The following CAMTA1 variants were observed in gnomAD, a reference collection of about 807,000 sequenced individuals.
The protein encoded by CAMTA1 is calmodulin-binding transcription activator 1.
A neutral mutation model predicts 170.9 loss-of-function variants in CAMTA1; 27 were observed. That is an observed-to-expected ratio of 0.16 (90% CI 0.12 to 0.22). The LOEUF (loss-of-function observed/expected upper bound fraction) is 0.22. Among genes scored for constraint, CAMTA1 ranks in the 10% least tolerant of loss-of-function variants. The probability of loss-of-function intolerance (pLI) is 1.00; values close to 1 mark genes in which losing one functional copy is unlikely to be tolerated. For missense variants in CAMTA1, 1,619 were observed against 2,217.2 expected (o/e 0.73, Z 5.42); for synonymous variants, 833 against 891.5 (o/e 0.93, Z 1.17).
At chr1:6,798,246 C>T (rs1305712089) in intron 1 of CAMTA1, among the ~76,000 whole-genome samples, 1 of 151,934 alleles carries the variant, frequency 6.6e-6, no homozygotes, top group Admixed American at 6.6e-5. Flanking sequence ...CCTCGGCCTC[C>T]CAAAGTGCTG....
rs183359707 is a variant in CAMTA1 at position 7,071,309 on chromosome 1, T to C, written c.235-19995T>C. Among the ~76,000 whole-genome samples, 139 of 152,338 alleles carry C rather than the reference T, an allele frequency of 9.1e-4. 2 individuals carry two copies. Among genetic ancestry groups the C allele is most frequent in the Non-Finnish European group, 3.4e-4 (23 of 68,032 alleles). On this transcript the variant is annotated intron_variant, in intron 3 of 22. Transcript: ENST00000303635. ...GCAAACAATAGACTCACTTGAAAGA[T>C]ACAGTGAATAGAATTTAATTGAATT...
At chr1:7,651,316 T>A (rs1478602530) in intron 7 of CAMTA1, among the ~76,000 whole-genome samples, 1 of 152,198 alleles carries the variant, frequency 6.6e-6, no homozygotes, top group Non-Finnish European at 1.5e-5. Flanking sequence ...CCTTGCCACC[T>A]GCTCATCACA....
At chr1:7,122,388 G>A (rs1008687921) in intron 4 of CAMTA1, among the ~76,000 whole-genome samples, 3 of 152,094 alleles carry the variant, frequency 2.0e-5, no homozygotes, top group African/African-American at 7.2e-5. Context: ...AGCTCACGGA[G>A]TGAAATGTAA....
At position 7,246,762 on chromosome 1, in the gene CAMTA1, G is replaced by A. The variant is rs563786785; in HGVS notation, c.303-2729G>A. On this transcript the variant is annotated intron_variant, in intron 4 of 22. Transcript: ENST00000303635. ...GCTCACTGCAACCTCTGCCTCCCAG[G>A]TTCAAAAGATTCTCCTGCCTCAGCC... Among the ~76,000 whole-genome samples the A allele has an allele frequency of 1.7e-4, 24 of 138,140 alleles. No individual in the cohort carries two copies. The South Asian group carries it at 5.8e-3, about 34-fold the overall frequency. 90.6% of individuals were successfully genotyped at this position (138,140 alleles called of 152,430 possible).
chr1:7,023,766 G>A lies in CAMTA1; in HGVS notation c.235-67538G>A, dbSNP rs529636066. ...GTTAAGGCCAGGTGTGGTGGCTCAC[G>A]CCTGTAATCCTAGCACTTTGGGAGG... On this transcript the variant is annotated intron_variant, in intron 3 of 22. Transcript: ENST00000303635. Among the ~76,000 whole-genome samples, 8 of 152,252 alleles carry A rather than the reference G, an allele frequency of 5.3e-5. 1 individual carries two copies. The South Asian group carries it at 1.5e-3, about 28-fold the overall frequency.
intron 3 of CAMTA1, among the ~76,000 whole-genome samples, chr1:6,899,007 G>A (rs150996844): frequency 6.6e-6 from 1 of 152,302 alleles, no homozygotes; most frequent in East Asian, 1.9e-4. Flanking sequence ...CTGTGGATCT[G>A]TAGGAAAACC....
At chr1:7,522,214 AT>A (rs2094374976) in intron 6 of CAMTA1, among the ~76,000 whole-genome samples, 1 of 152,188 alleles carries the variant, frequency 6.6e-6, no homozygotes, top group African/African-American at 2.4e-5. Flanking sequence ...GTAATGTCTC[AT>A]TATGGCTTTG....
chr1:7,688,176 T>G (rs562110533), intron 11 of CAMTA1, among the ~76,000 whole-genome samples: 7 of 120,176 alleles, frequency 5.8e-5, no homozygotes, highest in African/African-American at 2.2e-4. Flanking sequence ...ACCCAGCTAA[T>G]TTTTGTATTT....
chr1:7,743,831 TC>T lies in CAMTA1; in HGVS notation c.4183-1003del, dbSNP rs141155237. Among the ~76,000 whole-genome samples, 375 of 149,350 alleles carry T rather than the reference TC, an allele frequency of 2.5e-3. 5 individuals carry two copies. Among genetic ancestry groups the T allele is most frequent in the Non-Finnish European group, 3.7e-3 (246 of 67,066 alleles). ...TGAGGATTCTTTTTTTCTTTTCTTT[TC>T]TTTTTTTTTTCTGAGACGGAGTCTT... On this transcript the variant is annotated intron_variant, in intron 16 of 22. Transcript: ENST00000303635.
intron 3 of CAMTA1, among the ~76,000 whole-genome samples, chr1:6,978,683 TATAG>T (rs1693909232): frequency 6.7e-6 from 1 of 149,620 alleles, no homozygotes; most frequent in African/African-American, 2.4e-5. Flanking sequence ...TTTTATATAT[TATAG>T]ATATATATAT....
At chr1:7,406,611 C>T (rs1431815606) in intron 5 of CAMTA1, among the ~76,000 whole-genome samples, 9 of 151,730 alleles carry the variant, frequency 5.9e-5, no homozygotes, top group Non-Finnish European at 1.5e-5. Context: ...CGGATGTACA[C>T]ACACACACAT....
intron 3 of CAMTA1, among the ~76,000 whole-genome samples, chr1:6,998,425 C>T (rs1268448567): frequency 6.6e-6 from 1 of 152,250 alleles, no homozygotes. Flanking sequence ...TCTGCGTGCT[C>T]TCCGCACATG....
intron 4 of CAMTA1, among the ~76,000 whole-genome samples, chr1:7,157,820 T>G (rs997236379): frequency 1.1e-4 from 16 of 151,954 alleles, no homozygotes; most frequent in African/African-American, 3.9e-4. Context: ...AGTGGACAAG[T>G]GGAGGTATTT....
chr1:7,365,692 C>T (rs2085914273), intron 5 of CAMTA1, among the ~76,000 whole-genome samples: 1 of 152,150 alleles, frequency 6.6e-6, no homozygotes, highest in African/African-American at 2.4e-5. Flanking sequence ...CAGTTCTGGC[C>T]AAAACAGGCA....
intron 4 of CAMTA1, among the ~76,000 whole-genome samples, chr1:7,203,274 T>A (rs766295037): frequency 2.6e-5 from 4 of 152,186 alleles, no homozygotes; most frequent in Non-Finnish European, 4.4e-5. Flanking sequence ...GATTTTTTTA[T>A]CCATACCCAT....
chr1:7,471,197 C>CT (rs1382242337), intron 6 of CAMTA1, among the ~76,000 whole-genome samples: 1 of 152,258 alleles, frequency 6.6e-6, no homozygotes, highest in Non-Finnish European at 1.5e-5. Flanking sequence ...TTCAGGCTCT[C>CT]TGTCTCTCTC....
chr1:7,603,841 T>C (rs1367076481), intron 6 of CAMTA1, among the ~76,000 whole-genome samples: 2 of 152,224 alleles, frequency 1.3e-5, no homozygotes, highest in African/African-American at 4.8e-5. Context: ...TTTCCATGTT[T>C]AGTGCTTCCT....
chr1:7,180,680 ATTTTTATAT>A (rs1377850357), intron 4 of CAMTA1, among the ~76,000 whole-genome samples: 1 of 151,790 alleles, frequency 6.6e-6, no homozygotes, highest in Non-Finnish European at 1.5e-5. Flanking sequence ...CAGTTGGCTA[ATTTTTATAT>A]TTTTTATAGA....
chr1:7,635,466 G>A lies in CAMTA1; in HGVS notation c.511-4934G>A, dbSNP rs1339211395. On this transcript the variant is annotated intron_variant, in intron 6 of 22. Coordinates refer to ENST00000303635, the MANE Select transcript of CAMTA1 (RefSeq NM_015215.4). The surrounding 1 kb of genome is among the most constrained non-coding windows in gnomAD (Gnocchi z 4.4). Reference sequence around the variant, plus strand: ...ACTAAAAAATACAAAACAATTAGCGGGGCACTGTGGCGGGCGCCTGTACTC... The same window carrying A: ...ACTAAAAAATACAAAACAATTAGCGAGGCACTGTGGCGGGCGCCTGTACTC... 2.0e-5 allele frequency among the ~76,000 whole-genome samples: 3 copies of A among 151,992 alleles called. No homozygotes were observed. Among genetic ancestry groups the A allele is most frequent in the Non-Finnish European group, 4.4e-5 (3 of 67,998 alleles).
Sources: gnomAD v4.1 joint callset for allele counts (sites outside exome capture counted in the v4.1 genomes callset) on GRCh38, gnomAD v4.1.1 for gene constraint, Gnocchi (gnomAD v3.1) non-coding constraint, MANE v1.5 for transcripts, NCBI Gene and HGNC (gene_info 2026-07-23, HGNC 2026-07-21) for gene names.